Variants in GRID1 observed in about 807,000 individuals in gnomAD.
GRID1 encodes the protein glutamate receptor ionotropic, delta-1.
A neutral mutation model predicts 98.0 loss-of-function variants in GRID1; 28 were observed. That is an observed-to-expected ratio of 0.29 (90% CI 0.21 to 0.39). GRID1 has a LOEUF of 0.39. Among genes scored for constraint, GRID1 ranks in the 10% least tolerant of loss-of-function variants. GRID1 has a pLI of 1.00. For synonymous variants in GRID1, 553 were observed against 538.5 expected, an observed-to-expected ratio of 1.03 and a Z score of -0.37; for missense variants, 1,111 against 1,340.5, an observed-to-expected ratio of 0.83 and a Z score of 2.67.
chr10:85,756,118 T>C (rs750998735), intron 8 of GRID1, among the ~76,000 whole-genome samples: 10 of 152,144 alleles, frequency 6.6e-5, no homozygotes, highest in Admixed American at 1.3e-4. Context: ...CCGAACCCAA[T>C]TGCCATCAAC....
chr10:85,719,223 C>G (rs1200965867), intron 12 of GRID1, among the ~76,000 whole-genome samples: 1 of 152,218 alleles, frequency 6.6e-6, no homozygotes, highest in African/African-American at 2.4e-5. Context: ...AGCCATTCAA[C>G]AAGTCTCTAG....
chr10:86,222,103 G>A (rs192022734), intron 2 of GRID1, among the ~76,000 whole-genome samples: 37 of 152,298 alleles, frequency 2.4e-4, no homozygotes, highest in Admixed American at 2.1e-3. Context: ...CACCTACCAC[G>A]CGGTGGTCCC....
chr10:86,169,492 C>G (rs1845451199), intron 3 of GRID1, among the ~76,000 whole-genome samples: 1 of 152,180 alleles, frequency 6.6e-6, no homozygotes, highest in Non-Finnish European at 1.5e-5. Flanking sequence ...GGGGTACCCA[C>G]ATGTGCCCAG....
chr10:85,712,972 C>T (rs1407273271), intron 12 of GRID1, among the ~76,000 whole-genome samples: 2 of 151,476 alleles, frequency 1.3e-5, no homozygotes, highest in South Asian at 2.1e-4. Flanking sequence ...AAAAAGAAAC[C>T]TTTTAAATAT....
chr10:86,325,265 T>C (rs1848032548), intron 2 of GRID1, among the ~76,000 whole-genome samples: 1 of 152,240 alleles, frequency 6.6e-6, no homozygotes, highest in Non-Finnish European at 1.5e-5. Flanking sequence ...TATTAACTAA[T>C]ATCATCCTTA....
intron 2 of GRID1, among the ~76,000 whole-genome samples, chr10:86,277,348 G>A (rs964294025): frequency 6.6e-6 from 1 of 152,168 alleles, no homozygotes; most frequent in African/African-American, 2.4e-5. Flanking sequence ...CCTTCAGATT[G>A]AAATGAAAGG....
intron 4 of GRID1, among the ~76,000 whole-genome samples, chr10:85,943,102 C>G (rs887914290): frequency 6.6e-6 from 1 of 152,102 alleles, no homozygotes; most frequent in Non-Finnish European, 1.5e-5. Context: ...AATGAACATT[C>G]TTGTGCATAT....
In GRID1 at chr10:86,013,985, C is replaced by T. The variant is rs185724949; in HGVS notation, c.727-97746G>A. On this transcript the variant is annotated intron_variant, in intron 4 of 15. Transcript: ENST00000327946. ...ACAAAGAGGCACAACACTAGGTGAG[C>T]CTTTCTGGATTTGGAAGCAACAGAT... 9.8e-5 allele frequency among the ~76,000 whole-genome samples: 15 copies of T among 152,320 alleles called. No individual in the cohort carries two copies. In the East Asian group the frequency reaches 2.9e-3, roughly 29 times the overall value.
At chr10:86,194,973 G>C (rs1328659660) in intron 3 of GRID1, among the ~76,000 whole-genome samples, 1 of 152,102 alleles carries the variant, frequency 6.6e-6, no homozygotes, top group African/African-American at 2.4e-5. Context: ...GGACTGCAAA[G>C]GCCTTTGGTG....
intron 4 of GRID1, among the ~76,000 whole-genome samples, chr10:86,119,565 A>C (rs769692721): frequency 6.6e-6 from 1 of 152,182 alleles, no homozygotes; most frequent in Non-Finnish European, 1.5e-5. Flanking sequence ...TAAATTCTAT[A>C]GGATACACTT....
intron 12 of GRID1, among the ~76,000 whole-genome samples, chr10:85,665,308 C>A (rs1590181009): frequency 1.3e-5 from 2 of 152,156 alleles, no homozygotes; most frequent in African/African-American, 4.8e-5. Context: ...GATCCAAAGT[C>A]CTCTAAAGAG....
At chr10:85,854,279 A>T (rs1402585456) in intron 8 of GRID1, among the ~76,000 whole-genome samples, 1 of 151,740 alleles carries the variant, frequency 6.6e-6, no homozygotes, top group Non-Finnish European at 1.5e-5. Context: ...ACTCAAAGAG[A>T]CTCCATTAGA....
intron 2 of GRID1, among the ~76,000 whole-genome samples, chr10:86,267,056 C>T (rs1202479852): frequency 1.3e-5 from 2 of 152,328 alleles, no homozygotes; most frequent in Non-Finnish European, 2.9e-5. Context: ...GTCAGCATCA[C>T]GTCACGGCAT....
chr10:86,314,737 G>A (rs1847875982), intron 2 of GRID1, among the ~76,000 whole-genome samples: 1 of 152,186 alleles, frequency 6.6e-6, no homozygotes. Context: ...CCCTTTCCCA[G>A]CACTCCTCAG....
chr10:85,913,036 T>G (rs25435), intron 5 of GRID1, among the ~76,000 whole-genome samples: 56,442 of 152,030 alleles, frequency 0.37, 11,613 homozygotes, highest in African/African-American at 0.55. Context: ...ATAAGCCTAC[T>G]TGTAATTTGG....
chr10:85,659,804 G>C (rs1261571959), intron 12 of GRID1, among the ~76,000 whole-genome samples: 1 of 152,130 alleles, frequency 6.6e-6, no homozygotes, highest in Non-Finnish European at 1.5e-5. Flanking sequence ...CTGTTACATG[G>C]GCTAGCGCAT....
rs113636379 is a variant in GRID1, at chr10:85,952,088, A to C, written c.727-35849T>G. On this transcript the variant is annotated intron_variant, in intron 4 of 15. Transcript: ENST00000327946. ...CATCTTCCCAAACAAACCTTTCAAA[A>C]ACAAGACTTACGTCGATTCTCCTTT... Among the ~76,000 whole-genome samples the C allele has an allele frequency of 7.5e-3, 1,141 of 152,334 alleles. 18 individuals are homozygous for C. The highest frequency in any genetic ancestry group is 0.026 in the African/African-American group (1,093 of 41,566).
intron 6 of GRID1, among the ~76,000 whole-genome samples, chr10:85,858,160 C>T (rs1843131296): frequency 6.6e-6 from 1 of 152,214 alleles, no homozygotes; most frequent in Non-Finnish European, 1.5e-5. Context: ...CTGTCCTGTC[C>T]CCCAGCTCTG....
intron 12 of GRID1, among the ~76,000 whole-genome samples, chr10:85,699,240 A>T (rs1015580859): frequency 6.6e-6 from 1 of 151,968 alleles, no homozygotes. Context: ...TTTAGTAACT[A>T]TGGGGTTTTG....
Sources: allele counts gnomAD v4.1 joint callset (sites outside exome capture counted in the v4.1 genomes callset), GRCh38; gene constraint gnomAD v4.1.1; transcripts MANE v1.5; gene names NCBI Gene and HGNC (gene_info 2026-07-23, HGNC 2026-07-21).